The following DCC variants were observed in gnomAD, a reference collection of about 807,000 sequenced individuals.
DCC encodes the protein netrin receptor DCC.
DCC carries 58 observed loss-of-function variants against 172.5 expected under a neutral mutation model. The ratio of observed to expected loss-of-function variants is 0.34; its 90% CI spans 0.27 to 0.42. The LOEUF is 0.42. DCC is among the 10% of genes least tolerant of loss of function. DCC has a pLI of 1.00. For synonymous variants in DCC, 709 were observed against 644.5 expected, an observed-to-expected ratio of 1.10 and a Z score of -1.52; for missense variants, 1,740 against 1,791.0, an observed-to-expected ratio of 0.97 and a Z score of 0.51.
chr18:52,960,302 C>A (rs2040822079), intron 5 of DCC, among the ~76,000 whole-genome samples: 1 of 152,072 alleles, frequency 6.6e-6, no homozygotes, highest in African/African-American at 2.4e-5. Context: ...AATTTTTTAA[C>A]ATTTGTGATA....
intron 1 of DCC, among the ~76,000 whole-genome samples, chr18:52,433,897 G>A (rs1444033997): frequency 6.6e-6 from 1 of 152,138 alleles, no homozygotes; most frequent in Non-Finnish European, 1.5e-5. Flanking sequence ...TGGTTTCCCT[G>A]TGATATAGAC....
intron 12 of DCC, among the ~76,000 whole-genome samples, chr18:53,287,114 C>A (rs2056944934): frequency 6.6e-6 from 1 of 152,132 alleles, no homozygotes; most frequent in Admixed American, 6.6e-5. Flanking sequence ...AAAAGAAATT[C>A]TCTAGCATTC....
intron 1 of DCC, among the ~76,000 whole-genome samples, chr18:52,454,177 A>AT (rs1158503248): frequency 2.0e-5 from 3 of 152,222 alleles, no homozygotes; most frequent in East Asian, 3.9e-4. Context: ...TTTTGCTATA[A>AT]TTTTTTTACA....
In DCC at chr18:53,476,053, G is replaced by T. The variant is rs184225723; in HGVS notation, c.3736+8043G>T. Among the ~76,000 whole-genome samples the T allele has an allele frequency of 8.1e-4, 124 of 152,268 alleles. 1 individual carries two copies. Among genetic ancestry groups the T allele is most frequent in the African/African-American group, 2.9e-3 (119 of 41,552 alleles). On this transcript the variant is annotated intron_variant, in intron 25 of 28. Coordinates refer to ENST00000442544, the MANE Select transcript of DCC (RefSeq NM_005215.4). The stretch of plus-strand genomic sequence containing the variant: ...CTACTGAATTTCAGACTTGCATGGC[G>T]CCTGTAGCCCCTTTGTTTTGGTTAA...
intron 1 of DCC, among the ~76,000 whole-genome samples, chr18:52,359,378 A>T (rs1249388867): frequency 6.6e-6 from 1 of 152,218 alleles, no homozygotes; most frequent in Non-Finnish European, 1.5e-5. Context: ...AATACAGAAG[A>T]ATATCCCATT....
intron 13 of DCC, among the ~76,000 whole-genome samples, chr18:53,307,895 A>C (rs73957146): frequency 6.0e-5 from 1 of 16,550 alleles, no homozygotes; most frequent in Admixed American, 3.8e-4. Context: ...ATGTGTGTGT[A>C]TGTATATATA....
At chr18:52,470,821 A>C (rs538295935) in intron 1 of DCC, among the ~76,000 whole-genome samples, 66 of 152,366 alleles carry the variant, frequency 4.3e-4, no homozygotes, top group Non-Finnish European at 8.7e-4. Flanking sequence ...TGTCTCTAGA[A>C]TTAAATGCTG....
chr18:53,330,377 C>A (rs1179403535), intron 14 of DCC, among the ~76,000 whole-genome samples: 3 of 152,118 alleles, frequency 2.0e-5, no homozygotes, highest in East Asian at 3.9e-4. Flanking sequence ...CATTCAATCA[C>A]CAAGATCTGT....
At chr18:52,591,750 T>A (rs2033804507) in intron 1 of DCC, among the ~76,000 whole-genome samples, 1 of 132,722 alleles carries the variant, frequency 7.5e-6, no homozygotes, top group Non-Finnish European at 1.7e-5. Context: ...GCCTGGCTAC[T>A]TTTTTTCTTT....
At chr18:52,838,514 G>T (rs1279249746) in intron 2 of DCC, among the ~76,000 whole-genome samples, 1 of 152,012 alleles carries the variant, frequency 6.6e-6, no homozygotes, top group East Asian at 1.9e-4. Context: ...TGGGGGAGGG[G>T]AAGAAGAAAA....
At chr18:52,451,287 G>A (rs1299294524) in intron 1 of DCC, among the ~76,000 whole-genome samples, 1 of 152,242 alleles carries the variant, frequency 6.6e-6, no homozygotes, top group African/African-American at 2.4e-5. Context: ...TGGTTATCTT[G>A]TTTCCCAGCC....
At chr18:52,831,694 T>G (rs1378737727) in intron 2 of DCC, among the ~76,000 whole-genome samples, 4 of 152,262 alleles carry the variant, frequency 2.6e-5, no homozygotes, top group African/African-American at 9.6e-5. Flanking sequence ...AAAAGAGGAT[T>G]TATTGATCTA....
In DCC at chr18:53,298,644, C is replaced by A. The variant is rs189045321; in HGVS notation, c.1912-6934C>A. ...TAATTCTTGTTCTAAGGTTTAATAT[C>A]TACATTTGTATTTTCCTTTTCAACT... On this transcript the variant is annotated intron_variant, in intron 12 of 28. Transcript: ENST00000442544. 3.2e-3 allele frequency among the ~76,000 whole-genome samples: 474 copies of A among 148,082 alleles called. 3 individuals are homozygous for A. Among genetic ancestry groups the A allele is most frequent in the Non-Finnish European group, 5.5e-3 (367 of 67,172 alleles).
At chr18:52,531,472 T>C (rs1015803210) in intron 1 of DCC, among the ~76,000 whole-genome samples, 1 of 152,174 alleles carries the variant, frequency 6.6e-6, no homozygotes, top group Non-Finnish European at 1.5e-5. Context: ...AGTAAGGCAA[T>C]ATATTCATTA....
intron 1 of DCC, among the ~76,000 whole-genome samples, chr18:52,611,110 C>A (rs1272702997): frequency 1.3e-5 from 2 of 152,094 alleles, no homozygotes; most frequent in Admixed American, 6.6e-5. Context: ...CTTTTATTTT[C>A]TCCACCTATA....
At chr18:53,244,922 G>T (rs1380398927) in intron 12 of DCC, among the ~76,000 whole-genome samples, 1 of 152,032 alleles carries the variant, frequency 6.6e-6, no homozygotes, top group East Asian at 1.9e-4. Context: ...GGGGATAAAA[G>T]CAATATATCC....
intron 5 of DCC, among the ~76,000 whole-genome samples, chr18:52,965,325 G>T (rs1466990681): frequency 6.6e-6 from 1 of 152,092 alleles, no homozygotes; most frequent in Non-Finnish European, 1.5e-5. Context: ...AAACAGGCTA[G>T]AAAGGACATG....
chr18:52,357,864 C>T (rs942378947), intron 1 of DCC, among the ~76,000 whole-genome samples: 5 of 149,674 alleles, frequency 3.3e-5, no homozygotes, highest in South Asian at 4.2e-4. Flanking sequence ...TGTGAACCCA[C>T]GAGGCGGAGC....
At chr18:53,000,597 T>TC (rs2041550061) in intron 5 of DCC, among the ~76,000 whole-genome samples, 1 of 148,412 alleles carries the variant, frequency 6.7e-6, no homozygotes, top group Admixed American at 6.7e-5. Flanking sequence ...TTTTTTTTTT[T>TC]TTTTTTTTTT....
Sources: gnomAD v4.1 joint callset for allele counts (sites outside exome capture counted in the v4.1 genomes callset) on GRCh38, gnomAD v4.1.1 for gene constraint, MANE v1.5 for transcripts, NCBI Gene and HGNC (gene_info 2026-07-23, HGNC 2026-07-21) for gene names.